Variants in LINGO2 observed in about 807,000 individuals in gnomAD.
LINGO2 encodes the protein leucine rich repeat and Ig domain containing 2.
In LINGO2, 14 loss-of-function variants were observed where a neutral mutation model predicts 30.6. The ratio of observed to expected loss-of-function variants is 0.46; its 90% CI spans 0.30 to 0.72. The LOEUF (loss-of-function observed/expected upper bound fraction) is 0.72. Ranked by LOEUF, LINGO2 falls within the 30% of genes least tolerant of loss-of-function variation. The pLI, the probability that LINGO2 is intolerant of heterozygous loss-of-function variation, is 0.07. For synonymous variants in LINGO2, 317 were observed against 288.5 expected (o/e 1.10, Z -1.00); for missense variants, 729 against 751.7 (o/e 0.97, Z 0.35).
chr9:28,290,900 A>C (rs960215568), intron 4 of LINGO2, among the ~76,000 whole-genome samples: 1 of 152,148 alleles, frequency 6.6e-6, no homozygotes, highest in African/African-American at 2.4e-5. Context: ...CGGTTTCAAA[A>C]GCATGGGATA....
At chr9:29,033,395 T>TATATATATATAG in the LINGO2 span, among the ~76,000 whole-genome samples, 1 of 150,024 alleles carries the variant, frequency 6.7e-6, no homozygotes, top group East Asian at 2.0e-4. Flanking sequence ...TATATATATA[T>TATATATATATAG]ATATCTCTTC....
rs993708802 is a variant in LINGO2 at position 28,481,669 on chromosome 9, A to T, written c.-364-5644T>A. ...TTAAGTTTTAGGGTACATGTGCACA[A>T]TGTGCAGGTTAGTTACATATGTATA... On this transcript the variant is annotated intron_variant, in intron 1 of 5. Transcript: ENST00000379992. Among the ~76,000 whole-genome samples, 458 of 152,058 alleles carry T rather than the reference A, an allele frequency of 3.0e-3. 2 individuals are homozygous for T. The highest frequency in any genetic ancestry group is 0.01 in the African/African-American group (430 of 41,488).
the LINGO2 span, among the ~76,000 whole-genome samples, chr9:28,883,628 G>GTGTGTGTATATATATATATATA: frequency 3.1e-5 from 2 of 64,176 alleles, no homozygotes; most frequent in South Asian, 6.4e-4. Flanking sequence ...ATGTGTGTGT[G>GTGTGTGTATATATATATATATA]TATATATATA....
chr9:28,749,811 T>C, the LINGO2 span, among the ~76,000 whole-genome samples: 1 of 152,040 alleles, frequency 6.6e-6, no homozygotes, highest in Non-Finnish European at 1.5e-5. Flanking sequence ...TTGAGTGTCC[T>C]GATAAAATAA....
intron 1 of LINGO2, among the ~76,000 whole-genome samples, chr9:28,615,506 T>G (rs1826098135): frequency 6.6e-6 from 1 of 152,098 alleles, no homozygotes; most frequent in Admixed American, 6.6e-5. Context: ...ACACAATAAA[T>G]ATTTTCAGAA....
intron 4 of LINGO2, among the ~76,000 whole-genome samples, chr9:28,207,889 T>C (rs1303502992): frequency 6.6e-6 from 1 of 152,102 alleles, no homozygotes; most frequent in Non-Finnish European, 1.5e-5. Context: ...TTTAAATGTT[T>C]TGCATGAAAC....
At chr9:29,195,675 A>T in the LINGO2 span, among the ~76,000 whole-genome samples, 1 of 152,164 alleles carries the variant, frequency 6.6e-6, no homozygotes, top group African/African-American at 2.4e-5. Flanking sequence ...TGAAGTATCA[A>T]ATAGAAAAAA....
intron 2 of LINGO2, among the ~76,000 whole-genome samples, chr9:28,419,607 A>G (rs1007231151): frequency 6.3e-5 from 1 of 15,758 alleles, no homozygotes; most frequent in African/African-American, 8.4e-4. Flanking sequence ...AGATAGATTA[A>G]AAAAAAAAAG....
chr9:28,949,688 G>A, the LINGO2 span, among the ~76,000 whole-genome samples: 9 of 152,194 alleles, frequency 5.9e-5, no homozygotes, highest in East Asian at 5.8e-4. Flanking sequence ...GGTACAAAGC[G>A]GAGCTGGTAC....
the LINGO2 span, among the ~76,000 whole-genome samples, chr9:29,093,482 CTT>C: frequency 7.4e-6 from 1 of 135,116 alleles, no homozygotes; most frequent in Non-Finnish European, 1.6e-5. Flanking sequence ...ACTATCCTCT[CTT>C]AACTATTCTA....
chr9:29,089,266 T>C, the LINGO2 span, among the ~76,000 whole-genome samples: 2 of 151,652 alleles, frequency 1.3e-5, 1 homozygote, highest in South Asian at 4.2e-4. Flanking sequence ...AGTATTATTA[T>C]ATACTAATAT....
At chr9:28,640,118 T>G (rs1827498358) in intron 1 of LINGO2, among the ~76,000 whole-genome samples, 1 of 152,132 alleles carries the variant, frequency 6.6e-6, no homozygotes, top group African/African-American at 2.4e-5. Context: ...GGGTTGAAAA[T>G]TCTTTTCTTT....
chr9:28,362,408 T>C (rs140008527), intron 3 of LINGO2, among the ~76,000 whole-genome samples: 140 of 151,010 alleles, frequency 9.3e-4, no homozygotes, highest in African/African-American at 3.2e-3. Context: ...AAAGATTGAG[T>C]AACAGAAGAA....
the LINGO2 span, among the ~76,000 whole-genome samples, chr9:29,176,226 T>C: frequency 6.6e-6 from 1 of 152,184 alleles, no homozygotes; most frequent in Non-Finnish European, 1.5e-5. Context: ...TAACCAAAAG[T>C]CACCTTGCCT....
In LINGO2 at chr9:28,408,639, G is replaced by T. The variant is rs1378888953; in HGVS notation, c.-278-35771C>A. On this transcript the variant is annotated intron_variant, in intron 2 of 5. Transcript: ENST00000379992. The stretch of plus-strand genomic sequence containing the variant: ...CTGTTGTGGGGTGGGGGGAGGGGGA[G>T]GGATGGCATTAGGAGATATACCTAA... 1.4e-4 allele frequency among the ~76,000 whole-genome samples: 20 copies of T among 143,336 alleles called. No individual in the cohort carries two copies. In the Admixed American group the frequency reaches 1.4e-3, roughly 10 times the overall value. The allele number at this position is 143,336 out of a possible 152,430, so 94.0% of individuals were successfully genotyped here. A position where few individuals can be genotyped will look rare whatever the true frequency, so the allele number is the denominator to read the frequency against.
chr9:29,078,744 G>A, the LINGO2 span, among the ~76,000 whole-genome samples: 1 of 151,836 alleles, frequency 6.6e-6, no homozygotes, highest in African/African-American at 2.4e-5. Flanking sequence ...AAGTTATTAA[G>A]CCAGGTGGAC....
chr9:28,944,290 A>C, the LINGO2 span, among the ~76,000 whole-genome samples: 1 of 152,172 alleles, frequency 6.6e-6, no homozygotes, highest in African/African-American at 2.4e-5. Context: ...AGGTAACATC[A>C]CATTGGCCAG....
At chr9:28,426,340 C>G (rs181347806) in intron 2 of LINGO2, among the ~76,000 whole-genome samples, 6 of 151,876 alleles carry the variant, frequency 4.0e-5, no homozygotes, top group Non-Finnish European at 8.8e-5. Context: ...AGACATAGGA[C>G]GTGTAATTCC....
At chr9:28,021,879 T>C (rs1823144495) in intron 4 of LINGO2, among the ~76,000 whole-genome samples, 1 of 152,148 alleles carries the variant, frequency 6.6e-6, no homozygotes, top group Non-Finnish European at 1.5e-5. Context: ...GTGGGTTTTC[T>C]TGCAGATGAC....
Sources: allele counts gnomAD v4.1 joint callset (sites outside exome capture counted in the v4.1 genomes callset), GRCh38; gene constraint gnomAD v4.1.1; transcripts MANE v1.5; gene names NCBI Gene and HGNC (gene_info 2026-07-23, HGNC 2026-07-21).